The following BAZ2B variants were observed in gnomAD, a reference collection of about 807,000 sequenced individuals.
The protein encoded by BAZ2B is bromodomain adjacent to zinc finger domain 2B, also known as bromodomain adjacent to zinc finger domain protein 2B.
In BAZ2B, 91 loss-of-function variants were observed where a neutral mutation model predicts 246.0. The ratio of observed to expected loss-of-function variants is 0.37; its 90% CI spans 0.31 to 0.44. BAZ2B has a LOEUF of 0.44. Ranked by LOEUF, BAZ2B falls within the 20% of genes least tolerant of loss-of-function variation. The probability of loss-of-function intolerance (pLI) is 1.00; values close to 1 mark genes in which losing one functional copy is unlikely to be tolerated. For synonymous variants in BAZ2B, 855 were observed against 860.0 expected (o/e 0.99, Z 0.10); for missense variants, 2,332 against 2,533.7 (o/e 0.92, Z 1.71).
At chr2:159,513,585 G>A (rs1029245629) in intron 2 of BAZ2B, among the ~76,000 whole-genome samples, 2 of 152,068 alleles carry the variant, frequency 1.3e-5, no homozygotes, top group African/African-American at 4.8e-5. Flanking sequence ...CATCCTTCCA[G>A]CTGCCAAAAC....
intron 1 of BAZ2B, among the ~76,000 whole-genome samples, chr2:159,564,200 T>C (rs1289805335): frequency 6.6e-6 from 1 of 152,128 alleles, no homozygotes; most frequent in East Asian, 1.9e-4. Context: ...AGAACAGAAG[T>C]GCCAAGGCCC....
intron 21 of BAZ2B, among the ~76,000 whole-genome samples, chr2:159,388,282 C>T (rs2062875840): frequency 6.6e-6 from 1 of 151,940 alleles, no homozygotes; most frequent in Non-Finnish European, 1.5e-5. Flanking sequence ...TCTAGAAGTA[C>T]CATCTTCTTA....
chr2:159,364,668 C>T (rs891215308), intron 27 of BAZ2B, among the ~76,000 whole-genome samples: 1 of 152,152 alleles, frequency 6.6e-6, no homozygotes, highest in Admixed American at 6.5e-5. Context: ...CCATGCCTAG[C>T]CCTTAGTTAG....
At chr2:159,362,752 C>T (rs941007590) in intron 27 of BAZ2B, among the ~76,000 whole-genome samples, 1 of 152,168 alleles carries the variant, frequency 6.6e-6, no homozygotes, top group African/African-American at 2.4e-5. Flanking sequence ...CAGAAGCCCT[C>T]AAGTGGTAAA....
Position 159,350,014 on chromosome 2 carries a change from A to G in BAZ2B, c.4557T>C (p.Asn1519=). ...GSVQSTATQS[N]VEKADSNNLF... is the part of the protein sequence containing the mutation. ...GATTATTAGAGTCTGCCTTTTCCACATTGCTTTGCGTTGCTGTTGACTGAA... is the reference window on the plus strand; with the variant it reads ...GATTATTAGAGTCTGCCTTTTCCACGTTGCTTTGCGTTGCTGTTGACTGAA... Residue 1519 remains asparagine, a synonymous_variant, in exon 28 of 37, where the codon AAT becomes AAC. Transcript: ENST00000392783. The G allele has an allele frequency of 1.2e-5, 19 of 1,614,164 alleles. No individual in the cohort carries two copies. The highest frequency in any genetic ancestry group is 1.5e-5 in the Non-Finnish European group (18 of 1,180,012).
At chr2:159,465,806 T>C (rs2076964962) in intron 3 of BAZ2B, among the ~76,000 whole-genome samples, 1 of 151,638 alleles carries the variant, frequency 6.6e-6, no homozygotes, top group Non-Finnish European at 1.5e-5. Flanking sequence ...CCCAACTTCT[T>C]GGGAGGCTGA....
chr2:159,630,861 T>C, the BAZ2B span, among the ~76,000 whole-genome samples: 1 of 152,092 alleles, frequency 6.6e-6, no homozygotes, highest in African/African-American at 2.4e-5. Flanking sequence ...ATGCTATTAT[T>C]GGTGGTGTTA....
intron 1 of BAZ2B, among the ~76,000 whole-genome samples, chr2:159,581,077 T>C (rs1277536369): frequency 6.6e-6 from 1 of 152,036 alleles, no homozygotes; most frequent in East Asian, 1.9e-4. Context: ...GGGATCTAAT[T>C]AAACTAAAGA....
intron 27 of BAZ2B, among the ~76,000 whole-genome samples, chr2:159,358,428 A>G (rs2059346516): frequency 6.6e-6 from 1 of 152,242 alleles, no homozygotes; most frequent in South Asian, 2.1e-4. Context: ...CTAAATATGT[A>G]TGCACCCAAT....
intron 13 of BAZ2B, chr2:159,419,992 T>G (rs964803056): frequency 6.6e-6 from 1 of 152,258 alleles, no homozygotes; most frequent in Non-Finnish European, 1.5e-5. Context: ...AGAAACTGTG[T>G]GTTGCCCACC....
At chr2:159,687,123 A>C in the BAZ2B span, among the ~76,000 whole-genome samples, 1 of 151,900 alleles carries the variant, frequency 6.6e-6, no homozygotes, top group African/African-American at 2.4e-5. Context: ...TGTATTATAC[A>C]GTAACTTGCT....
intron 27 of BAZ2B, 54 bp downstream of exon 27, chr2:159,372,991 T>A: frequency 6.6e-7 from 1 of 1,523,488 alleles, no homozygotes; most frequent in Non-Finnish European, 8.8e-7. Flanking sequence ...GTAACAGAGT[T>A]TTAAAATATA....
At chr2:159,485,129 A>G (rs892581733) in intron 2 of BAZ2B, among the ~76,000 whole-genome samples, 3 of 152,176 alleles carry the variant, frequency 2.0e-5, no homozygotes, top group Non-Finnish European at 1.5e-5. Flanking sequence ...TACAAGTTCA[A>G]TATTTTCTAA....
intron 6 of BAZ2B, chr2:159,444,966 T>A (rs766738137): frequency 6.6e-6 from 1 of 152,236 alleles, no homozygotes; most frequent in Non-Finnish European, 1.5e-5. Context: ...GCAGACTAAA[T>A]CCACTGATAA....
At chr2:159,471,865 T>G (rs2077845258) in intron 3 of BAZ2B, among the ~76,000 whole-genome samples, 1 of 152,136 alleles carries the variant, frequency 6.6e-6, no homozygotes, top group Non-Finnish European at 1.5e-5. Context: ...AGAACAGGAT[T>G]TCAAAGGAGA....
chr2:159,581,139 A>C (rs938444435), intron 1 of BAZ2B, among the ~76,000 whole-genome samples: 5 of 152,192 alleles, frequency 3.3e-5, no homozygotes, highest in African/African-American at 1.2e-4. Flanking sequence ...CAACCTACAG[A>C]ATGGGAGAAA....
chr2:159,357,114 C>T (rs956404903), intron 27 of BAZ2B, among the ~76,000 whole-genome samples: 10 of 151,980 alleles, frequency 6.6e-5, no homozygotes, highest in South Asian at 2.1e-4. Flanking sequence ...CAAAACTGGA[C>T]GCAGAATGAG....
intron 2 of BAZ2B, among the ~76,000 whole-genome samples, chr2:159,521,846 T>A (rs764503562): frequency 9.2e-5 from 14 of 152,052 alleles, no homozygotes; most frequent in Admixed American, 5.2e-4. Context: ...GTCCAAAAAA[T>A]TTTTTATCAA....
intron 3 of BAZ2B, among the ~76,000 whole-genome samples, chr2:159,455,182 A>C (rs1005182155): frequency 6.6e-6 from 1 of 152,098 alleles, no homozygotes; most frequent in African/African-American, 2.4e-5. Context: ...GTATGTTTGA[A>C]ATTTACAAAT....
Sources: gnomAD v4.1 joint callset for allele counts (sites outside exome capture counted in the v4.1 genomes callset) on GRCh38, gnomAD v4.1.1 for gene constraint, MANE v1.5 for transcripts, NCBI Gene and HGNC (gene_info 2026-07-23, HGNC 2026-07-21) for gene names.